XIST: variants seen among roughly 807,000 people sequenced by gnomAD.
The protein encoded by XIST is X inactive specific transcript (non-protein coding).
At chrX:73,822,540 T>C in exon 6 of XIST, 1 of 513,026 alleles carries the variant, frequency 1.9e-6, no homozygotes, top group Non-Finnish European at 3.5e-6. Flanking sequence ...AACAGTAACC[T>C]TTCTCCTATA....
In XIST at chrX:73,841,779, T is replaced by G. The variant is rs747172969; in HGVS notation, n.10945A>C. 6 of 495,503 alleles carry G rather than the reference T, an allele frequency of 1.2e-5. 1 individual carries two copies. The highest frequency in any genetic ancestry group is 2.8e-5 in the South Asian group (1 of 36,052). The allele number at this position is 495,503 out of a possible 1,213,427, so 40.8% of individuals were successfully genotyped here. ...ATTATTACTATAATTAAATGCTTCA[T>G]TTTATATAATAATTAATAAAAAAGG... On this transcript the variant is annotated non_coding_transcript_exon_variant, in exon 1 of 6. Transcript: ENST00000429829.
chrX:73,847,687 T>C, exon 1 of XIST: 3 of 537,172 alleles, frequency 5.6e-6, no homozygotes, highest in Non-Finnish European at 1.0e-5. Context: ...CTTAGACAAT[T>C]GAAATCAATT....
exon 1 of XIST, chrX:73,841,718 G>A (rs1225430240): frequency 1.9e-6 from 1 of 515,009 alleles, no homozygotes; most frequent in South Asian, 2.5e-5. Context: ...TCATTTTTAA[G>A]TCCTCACCTC....
At chrX:73,822,376 C>T (rs1922141872) in exon 6 of XIST, 2 of 529,087 alleles carry the variant, frequency 3.8e-6, no homozygotes, top group South Asian at 4.8e-5. Flanking sequence ...TAAGCCATGC[C>T]CCTAACAAGA....
intron 1 of XIST, among the ~76,000 whole-genome samples, chrX:73,838,310 G>A (rs1922521912): frequency 1.8e-5 from 2 of 110,721 alleles, no homozygotes; most frequent in Non-Finnish European, 3.8e-5. Context: ...ATTCTTATAC[G>A]CACTTGATTA....
chrX:73,821,825 T>A (rs776989224), exon 6 of XIST: 2 of 533,733 alleles, frequency 3.7e-6, no homozygotes, highest in Non-Finnish European at 6.8e-6. Context: ...AACTTAAGCA[T>A]GGTAAAATGT....
At chrX:73,823,556 G>T (rs373301226) in exon 6 of XIST, 1 of 557,593 alleles carries the variant, frequency 1.8e-6, no homozygotes, top group East Asian at 3.3e-5. Flanking sequence ...CAAAAAGCAC[G>T]CCTGAGGCAT....
chrX:73,846,562 C>A lies in XIST; in HGVS notation n.6162G>T. 5.4e-6 allele frequency: 3 copies of A among 558,794 alleles called. No individual in the cohort carries two copies. The Admixed American group carries it at 6.6e-5, about 12-fold the overall frequency. The allele number at this position is 558,794 out of a possible 1,213,427, so 46.1% of individuals were successfully genotyped here. A position where few individuals can be genotyped will look rare whatever the true frequency, so the allele number is the denominator to read the frequency against. On this transcript the variant is annotated non_coding_transcript_exon_variant, in exon 1 of 6. Transcript: ENST00000429829. ...ACATGGAATGAGCAGTGTGCGATTA[C>A]GCACATAAATGTCCAAGATGCATGC...
At chrX:73,830,979 C>A in intron 4 of XIST, 1 of 486,132 alleles carries the variant, frequency 2.1e-6, no homozygotes, top group Non-Finnish European at 3.7e-6. Flanking sequence ...TGAATACGAC[C>A]TCAGTGAAAC....
At chrX:73,830,778 T>C (rs1212639844) in intron 4 of XIST, among the ~76,000 whole-genome samples, 1 of 111,814 alleles carries the variant, frequency 8.9e-6, no homozygotes, top group Non-Finnish European at 1.9e-5. Context: ...ATGTGACAGT[T>C]GTCCATGTTC....
intron 2 of XIST, among the ~76,000 whole-genome samples, chrX:73,834,174 T>C: frequency 8.9e-6 from 1 of 112,195 alleles, no homozygotes; most frequent in Non-Finnish European, 1.9e-5. Context: ...GCATTTACTC[T>C]ACTGCTTCCT....
chrX:73,831,443 G>C (rs1312724621), intron 3 of XIST: 4 of 280,898 alleles, frequency 1.4e-5, no homozygotes, highest in Middle Eastern at 9.9e-4. Flanking sequence ...TACCAACTTA[G>C]CAAAAAAAAA....
intron 1 of XIST, among the ~76,000 whole-genome samples, chrX:73,840,171 T>G (rs773327146): frequency 9.0e-6 from 1 of 111,596 alleles, no homozygotes; most frequent in Non-Finnish European, 1.9e-5. Flanking sequence ...TCAGAAAATT[T>G]TGTTCCTTTA....
Position 73,842,717 on chromosome X carries a change from G to A in XIST, n.10007C>T, listed in dbSNP as rs752241370. ...TAGAGGGGTTCATGTATAATGGGTG[G>A]GACCAAGGAAAGTGCAACTGAGAAT... is the stretch of plus-strand genomic sequence containing the variant. On this transcript the variant is annotated non_coding_transcript_exon_variant, in exon 1 of 6. Transcript: ENST00000429829. The A allele has an allele frequency of 1.1e-5, 6 of 558,245 alleles. No individual in the cohort carries two copies. The Admixed American group carries it at 1.3e-4, about 12-fold the overall frequency. 46.0% of individuals were successfully genotyped at this position (558,245 alleles called of 1,213,427 possible). A position where few individuals can be genotyped will look rare whatever the true frequency, so the allele number is the denominator to read the frequency against.
intron 2 of XIST, among the ~76,000 whole-genome samples, chrX:73,837,264 A>G (rs977800862): frequency 1.8e-5 from 2 of 111,771 alleles, no homozygotes; most frequent in Non-Finnish European, 3.8e-5. Flanking sequence ...TTGATAAGTG[A>G]TAAGAATGGC....
chrX:73,827,483 C>A (rs1474048736), exon 6 of XIST: 2 of 535,174 alleles, frequency 3.7e-6, no homozygotes, highest in African/African-American at 4.6e-5. Flanking sequence ...GCAAGAGATG[C>A]TGAGGCACGC....
chrX:73,842,176 T>A (rs1004293372), exon 1 of XIST: 48 of 509,004 alleles, frequency 9.4e-5, no homozygotes, highest in Middle Eastern at 6.3e-4. Flanking sequence ...CTTAAAAAAA[T>A]TTTTTTAATA....
chrX:73,848,948 T>C, exon 1 of XIST: 1 of 557,381 alleles, frequency 1.8e-6, no homozygotes. Flanking sequence ...CCATGAATAA[T>C]TACTATTGTA....
chrX:73,845,641 C>T lies in XIST; in HGVS notation n.7083G>A, dbSNP rs752252477. 9.0e-6 allele frequency: 5 copies of T among 554,674 alleles called. No homozygotes were observed. The East Asian group carries it at 1.6e-4, about 18-fold the overall frequency. 45.7% of individuals were successfully genotyped at this position (554,674 alleles called of 1,213,427 possible). A position where few individuals can be genotyped will look rare whatever the true frequency, so the allele number is the denominator to read the frequency against. Reference sequence around the variant, plus strand: ...ACCCCTGCTGTACTGCAAAGGGCATCTGAGAGTAGGACCTTATTCAGATGG... The same window carrying T: ...ACCCCTGCTGTACTGCAAAGGGCATTTGAGAGTAGGACCTTATTCAGATGG... On this transcript the variant is annotated non_coding_transcript_exon_variant, in exon 1 of 6. Coordinates refer to ENST00000429829, the Ensembl canonical transcript of XIST.
Sources: allele counts gnomAD v4.1 joint callset (sites outside exome capture counted in the v4.1 genomes callset), GRCh38; gene constraint gnomAD v4.1.1; transcripts MANE v1.5; gene names NCBI Gene and HGNC (gene_info 2026-07-23, HGNC 2026-07-21).